Variants in ABHD14B observed in about 807,000 individuals in gnomAD.
The protein encoded by ABHD14B is abhydrolase domain containing 14B.
Under a neutral mutation model 15.4 loss-of-function variants are expected in ABHD14B, and 19 were observed. The observed-to-expected ratio is 1.23, with a 90% confidence interval of 0.86 to 1.81. The LOEUF (loss-of-function observed/expected upper bound fraction) is 1.81, where lower values mean the gene tolerates loss of function less well. ABHD14B is among the 40% of genes most tolerant of loss of function. The probability of loss-of-function intolerance (pLI) is 0.00; values close to 1 mark genes in which losing one functional copy is unlikely to be tolerated. For synonymous variants in ABHD14B, 92 were observed against 117.3 expected (o/e 0.78, Z 1.39); for missense variants, 243 against 267.0 (o/e 0.91, Z 0.63).
rs1197872549 is a variant in ABHD14B, at chr3:51,969,986, A to T, written c.410T>A (p.Ile137Asn). 1 of 1,614,154 alleles carries T rather than the reference A, an allele frequency of 6.2e-7. No individual in the cohort carries two copies. The highest frequency in any genetic ancestry group is 2.2e-5 in the East Asian group (1 of 44,882). ...GGCAGCATTGATTTTGTCAGTGCAG[A>T]TGGGGGCCACTGGCACAAAGCCCGG... ...QLPGFVPVAP[I>N]CTDKINAANY... The change falls in exon 3 of 4, where the codon ATC (isoleucine) becomes AAC (asparagine). Residue 137 changes from isoleucine to asparagine, a missense_variant. Coordinates refer to ENST00000361143, the MANE Select transcript of ABHD14B (RefSeq NM_001146314.2).
Position 51,974,005 on chromosome 3 carries a change from C to T in ABHD14B, c.-69G>A, listed in dbSNP as rs780903863. ...GACTCGCGCAGACGGGAAGCAGGCG[C>T]GTGCTGGCGGTGACCTGGGGCCGGA... On this transcript the variant is annotated 5_prime_UTR_variant, in exon 1 of 4. Transcript: ENST00000361143. 5.0e-5 allele frequency: 64 copies of T among 1,289,054 alleles called. 1 individual carries two copies. The South Asian group carries it at 7.8e-4, about 16-fold the overall frequency. The allele number at this position is 1,289,054 out of a possible 1,614,324, so 79.9% of individuals were successfully genotyped here.
At chr3:51,969,777 A>G in intron 3 of ABHD14B, 166 bp downstream of exon 3, 1 of 1,433,706 alleles carries the variant, frequency 7.0e-7, no homozygotes, top group Non-Finnish European at 9.6e-7. Flanking sequence ...AGTTTAGCAC[A>G]GGGCTTGGCA....
rs749617726 is a variant in ABHD14B, at chr3:51,970,028, G to C, written c.368C>G (p.Ala123Gly). The C allele has an allele frequency of 1.2e-6, 2 of 1,614,034 alleles. No homozygotes were observed. The highest frequency in any genetic ancestry group is 1.3e-5 in the African/African-American group (1 of 74,930). ...SGMYSLPFLT[A>G]PGSQLPGFVP... The stretch of plus-strand genomic sequence containing the variant: ...AAAGCCCGGGAGCTGGGAGCCAGGG[G>C]CCGTGAGGAAGGGCAGGGAGTACAT... The change falls in exon 3 of 4, where the codon GCC becomes GGC. Residue 123 changes from alanine to glycine, a missense_variant. By Grantham distance (60) the Ala-to-Gly change is moderately conservative (BLOSUM62 0). Coordinates refer to ENST00000361143, the MANE Select transcript of ABHD14B (RefSeq NM_001146314.2).
chr3:51,969,716 A>T, intron 3 of ABHD14B, 111 bp from the exon 4 acceptor site: 2 of 1,453,848 alleles, frequency 1.4e-6, no homozygotes, highest in Non-Finnish European at 1.9e-6. Context: ...AGGGAGAGAG[A>T]CAAGCTGGCC....
At chr3:51,970,867 C>G (rs1577709051) in intron 2 of ABHD14B, 1 of 454,552 alleles carries the variant, frequency 2.2e-6, no homozygotes, top group East Asian at 6.9e-5. Context: ...AGGGTTGGGA[C>G]CCAGCCATCT....
chr3:51,970,084 G>A lies in ABHD14B; in HGVS notation c.312C>T (p.Pro104=), dbSNP rs267599887. ...AAVVDALELG[P]PVVISPSLSG... is the part of the protein sequence containing the mutation. ...TCAGTGATGGACTGATCACAACCGGGGGGCCCAGCTCCAAGGCATCCACCA... is the reference window on the plus strand; with the variant it reads ...TCAGTGATGGACTGATCACAACCGGAGGGCCCAGCTCCAAGGCATCCACCA... Residue 104 remains proline, a synonymous_variant, in exon 3 of 4, where the codon CCC becomes CCT. Transcript: ENST00000361143. 4 of 1,606,346 alleles carry A rather than the reference G, an allele frequency of 2.5e-6. No individual in the cohort carries two copies. Among genetic ancestry groups the A allele is most frequent in the Non-Finnish European group, 3.4e-6 (4 of 1,175,100 alleles).
At chr3:51,971,390 T>TAC in intron 2 of ABHD14B, 70 bp downstream of exon 2, 1 of 1,432,772 alleles carries the variant, frequency 7.0e-7, no homozygotes, top group Non-Finnish European at 9.2e-7. Flanking sequence ...GGGCTACATG[T>TAC]TATAGGAACC....
intron 1 of ABHD14B, among the ~76,000 whole-genome samples, chr3:51,973,044 A>ATTTT (rs35772258): frequency 7.6e-6 from 1 of 132,318 alleles, no homozygotes; most frequent in African/African-American, 2.9e-5. Context: ...TGCCTGGCTA[A>ATTTT]TTTTTTTTTT....
Position 51,969,450 on chromosome 3 carries a change from C to A in ABHD14B, c.609G>T (p.Leu203=), listed in dbSNP as rs370598692. ...TTCACTGGAGCCCCTGCAGGAAGTC[C>A]AGCAGCCCTGTATGCCACTCCTCTG... The part of the protein sequence containing the change: ...DKPEEWHTGL[L]DFLQGLQ Residue 203 remains leucine, a synonymous_variant, in exon 4 of 4, where the codon CTG becomes CTT. Transcript: ENST00000361143. The A allele has an allele frequency of 1.7e-5, 27 of 1,613,012 alleles. No homozygotes were observed. In the African/African-American group the frequency reaches 2.3e-4, roughly 14 times the overall value.
In ABHD14B at chr3:51,969,438, C is replaced by T; in HGVS notation, c.621G>A (p.Gln207=). 1.2e-6 allele frequency: 2 copies of T among 1,611,986 alleles called. No homozygotes were observed. Among genetic ancestry groups the T allele is most frequent in the Non-Finnish European group, 1.7e-6 (2 of 1,179,104 alleles). The change falls in exon 4 of 4, where the codon CAG becomes CAA. Residue 207 remains glutamine (Q), a synonymous_variant. Transcript: ENST00000361143. The part of the protein sequence containing the change: ...EWHTGLLDFL[Q]GLQ ...GCAGTGCTGGGCTTCACTGGAGCCC[C>T]TGCAGGAAGTCCAGCAGCCCTGTAT...
intron 1 of ABHD14B, among the ~76,000 whole-genome samples, chr3:51,972,305 C>T (rs1700672861): frequency 6.7e-6 from 1 of 150,114 alleles, no homozygotes; most frequent in African/African-American, 2.5e-5. Flanking sequence ...CGCGGTGGCA[C>T]ACGCCTGTAA....
At position 51,970,123 on chromosome 3, in the gene ABHD14B, G is replaced by T; in HGVS notation, c.273C>A (p.Ser91Arg). The change falls in exon 3 of 4, where the codon AGC becomes AGA. Residue 91 changes from serine to arginine, a missense_variant. Ser to Arg is a moderately radical substitution (Grantham distance 110). Coordinates refer to ENST00000361143, the MANE Select transcript of ABHD14B (RefSeq NM_001146314.2). The part of the protein sequence containing the change: ...PAPIGELAPG[S>R]FLAAVVDALE... ...AGGCATCCACCACAGCCGCCAGGAA[G>T]CTGCCAGGGGCCAGCTCCCCAATAG... 1 of 1,575,902 alleles carries T rather than the reference G, an allele frequency of 6.3e-7. No homozygotes were observed. Among genetic ancestry groups the T allele is most frequent in the Non-Finnish European group, 8.6e-7 (1 of 1,160,440 alleles).
At chr3:51,973,452 C>G (rs1483676144) in intron 1 of ABHD14B, among the ~76,000 whole-genome samples, 1 of 151,554 alleles carries the variant, frequency 6.6e-6, no homozygotes, top group Admixed American at 6.6e-5. Context: ...TCCCAAAGTG[C>G]TGGGATTACA....
chr3:51,970,077 C>T lies in ABHD14B; in HGVS notation c.319G>A (p.Val107Met), dbSNP rs1238272014. 6.2e-7 allele frequency: 1 copy of T among 1,608,008 alleles called. No homozygotes were observed. Among genetic ancestry groups the T allele is most frequent in the African/African-American group, 1.3e-5 (1 of 74,766 alleles). Residue 107 changes from valine (V) to methionine (M), a missense_variant, in exon 3 of 4, where the codon GTG becomes ATG. Physicochemically the swap from Val to Met is conservative, Grantham distance 21. Transcript: ENST00000361143. ...ATGCCACTCAGTGATGGACTGATCA[C>T]AACCGGGGGGCCCAGCTCCAAGGCA... ...VDALELGPPV[V>M]ISPSLSGMYS...
intron 3 of ABHD14B, 100 bp downstream of exon 3, chr3:51,969,843 A>G (rs1700619837): frequency 6.2e-7 from 1 of 1,601,688 alleles, no homozygotes; most frequent in African/African-American, 1.3e-5. Context: ...CTCCTCCCAG[A>G]AGACACCCCT....
At chr3:51,970,724 T>C (rs1292292236) in intron 2 of ABHD14B, 1 of 456,872 alleles carries the variant, frequency 2.2e-6, no homozygotes, top group East Asian at 6.9e-5. Context: ...ACCTTCACCC[T>C]GAAGCTCAAG....
At chr3:51,969,884 C>G in intron 3 of ABHD14B, 59 bp downstream of exon 3, 2 of 1,613,802 alleles carry the variant, frequency 1.2e-6, no homozygotes, top group South Asian at 1.1e-5. Context: ...GAGGAAAGCC[C>G]AGGGATGCAC....
chr3:51,969,632 C>A, intron 3 of ABHD14B, 27 bp from the exon 4 acceptor site: 2 of 1,594,746 alleles, frequency 1.3e-6, no homozygotes, highest in Middle Eastern at 1.7e-4. Flanking sequence ...GGGGGTGGGG[C>A]AGAGTCAACA....
Position 51,970,127 on chromosome 3 carries a change from C to T in ABHD14B, c.269G>A (p.Gly90Asp). The T allele has an allele frequency of 1.3e-6, 2 of 1,573,594 alleles. No individual in the cohort carries two copies. The highest frequency in any genetic ancestry group is 1.7e-6 in the Non-Finnish European group (2 of 1,159,376). Residue 90 changes from glycine to aspartate, a missense_variant, in exon 3 of 4, where the codon GGC becomes GAC. Gly to Asp is a moderately conservative substitution (Grantham distance 94). Coordinates refer to ENST00000361143, the MANE Select transcript of ABHD14B (RefSeq NM_001146314.2). ...APAPIGELAP[G>D]SFLAAVVDAL... ...ATCCACCACAGCCGCCAGGAAGCTGCCAGGGGCCAGCTCCCCAATAGGGGC... is the reference window on the plus strand; with the variant it reads ...ATCCACCACAGCCGCCAGGAAGCTGTCAGGGGCCAGCTCCCCAATAGGGGC...
Sources: gnomAD v4.1 joint callset for allele counts (sites outside exome capture counted in the v4.1 genomes callset) on GRCh38, gnomAD v4.1.1 for gene constraint, MANE v1.5 for transcripts, NCBI Gene and HGNC (gene_info 2026-07-23, HGNC 2026-07-21) for gene names.